The following SAXO2 variants were observed in gnomAD, a reference collection of about 807,000 sequenced individuals.
SAXO2 encodes the protein family with sequence similarity 154, member B.
Under a neutral mutation model 18.7 loss-of-function variants are expected in SAXO2, and 17 were observed. That is an observed-to-expected ratio of 0.91 (90% CI 0.62 to 1.36). The LOEUF (loss-of-function observed/expected upper bound fraction) is 1.36. Ranked by LOEUF, SAXO2 falls within the 40% of genes most tolerant of loss-of-function variation. SAXO2 has a pLI of 0.00. For synonymous variants in SAXO2, 163 were observed against 181.2 expected, an observed-to-expected ratio of 0.90 and a Z score of 0.81; for missense variants, 486 against 562.6, an observed-to-expected ratio of 0.86 and a Z score of 1.38.
chr15:82,275,199 GA>G (rs2075303638), intron 3 of SAXO2, among the ~76,000 whole-genome samples: 2 of 136,802 alleles, frequency 1.5e-5, no homozygotes, highest in South Asian at 4.8e-4. Flanking sequence ...AAATTCCCAA[GA>G]TTGAACTAGG....
At position 82,265,765 on chromosome 15, in the gene SAXO2, T is replaced by G; in HGVS notation, c.233+17T>G. ...TACATTTAAGTAAATATTTAGTAAC[T>G]ATTTGCTTTACTTATTTTTCTCTCA... On this transcript the variant is annotated intron_variant, in intron 2 of 3. Transcript: ENST00000682753. 1 of 1,503,656 alleles carries G rather than the reference T, an allele frequency of 6.7e-7. No individual in the cohort carries two copies. The highest frequency in any genetic ancestry group is 8.8e-7 in the Non-Finnish European group (1 of 1,130,598). The allele number at this position is 1,503,656 out of a possible 1,614,324, so 93.1% of individuals were successfully genotyped here.
intron 3 of SAXO2, among the ~76,000 whole-genome samples, chr15:82,276,576 C>A (rs1245024918): frequency 6.6e-6 from 1 of 152,040 alleles, no homozygotes; most frequent in Admixed American, 6.6e-5. Flanking sequence ...ACCTGATTGT[C>A]CACAAAATTG....
At chr15:82,273,264 T>C (rs903598704) in intron 3 of SAXO2, among the ~76,000 whole-genome samples, 1 of 152,152 alleles carries the variant, frequency 6.6e-6, no homozygotes, top group African/African-American at 2.4e-5. Context: ...GATATTACTT[T>C]TATATCTTTT....
chr15:82,278,196 A>G (rs1297484148), intron 3 of SAXO2, among the ~76,000 whole-genome samples: 1 of 152,230 alleles, frequency 6.6e-6, no homozygotes. Flanking sequence ...CAAACCTTGA[A>G]CATGAAGAAA....
intron 1 of SAXO2, among the ~76,000 whole-genome samples, chr15:82,264,480 C>G (rs1395203350): frequency 1.3e-5 from 2 of 151,816 alleles, no homozygotes; most frequent in Non-Finnish European, 2.9e-5. Flanking sequence ...ATAAAGACCA[C>G]CCTCATTCTC....
intron 3 of SAXO2, 195 bp downstream of exon 3, chr15:82,271,997 A>G (rs1325730518): frequency 3.8e-6 from 2 of 523,512 alleles, no homozygotes; most frequent in African/African-American, 3.9e-5. Context: ...ATTGAGTGGT[A>G]AAAGACCCAC....
At chr15:82,264,104 C>G (rs1211163916) in intron 1 of SAXO2, among the ~76,000 whole-genome samples, 2 of 134,478 alleles carry the variant, frequency 1.5e-5, no homozygotes, top group Non-Finnish European at 3.1e-5. Context: ...CAGAGTCTGG[C>G]TCTCTTGCCA....
At chr15:82,263,750 G>A (rs2075169375) in intron 1 of SAXO2, among the ~76,000 whole-genome samples, 1 of 152,076 alleles carries the variant, frequency 6.6e-6, no homozygotes, top group Non-Finnish European at 1.5e-5. Flanking sequence ...TGGTGTGCAG[G>A]AGAAAATTTT....
intron 3 of SAXO2, among the ~76,000 whole-genome samples, chr15:82,276,731 G>C (rs2075318607): frequency 6.6e-6 from 1 of 152,068 alleles, no homozygotes; most frequent in South Asian, 2.1e-4. Flanking sequence ...TCTGAAAACT[G>C]TGTATCTAGT....
chr15:82,264,815 C>T (rs573358362), intron 1 of SAXO2: 9 of 693,598 alleles, frequency 1.3e-5, no homozygotes, highest in South Asian at 1.1e-4. Context: ...TGCCGCCTAA[C>T]AACTTCTAGC....
chr15:82,275,524 C>T lies in SAXO2; in HGVS notation c.433+3722C>T, dbSNP rs114484876. On this transcript the variant is annotated intron_variant, in intron 3 of 3. Transcript: ENST00000682753. ...GTCCCTGAACACAGATGCAAAAATC[C>T]TCAAAAAATACTAGCACACTAAATC... Among the ~76,000 whole-genome samples, 745 of 152,136 alleles carry T rather than the reference C, an allele frequency of 4.9e-3. 5 individuals are homozygous for T. Among genetic ancestry groups the T allele is most frequent in the African/African-American group, 0.017 (726 of 41,508 alleles).
At chr15:82,268,628 C>A (rs1216459734) in intron 2 of SAXO2, among the ~76,000 whole-genome samples, 2 of 152,206 alleles carry the variant, frequency 1.3e-5, no homozygotes, top group Non-Finnish European at 2.9e-5. Flanking sequence ...AAGAAGCATT[C>A]TGTACCTTTG....
chr15:82,281,177 G>A (rs145590851), intron 3 of SAXO2, among the ~76,000 whole-genome samples: 1,610 of 152,192 alleles, frequency 0.011, 30 homozygotes, highest in African/African-American at 0.037. Context: ...GTATTTCCTA[G>A]CTTACTATCT....
intron 1 of SAXO2, chr15:82,264,583 AG>A: frequency 1.4e-6 from 1 of 692,212 alleles, no homozygotes; most frequent in Non-Finnish European, 2.6e-6. Flanking sequence ...CTAGGCAAAA[AG>A]GAATTTATTA....
chr15:82,277,969 G>A (rs895248579), intron 3 of SAXO2, among the ~76,000 whole-genome samples: 5 of 151,988 alleles, frequency 3.3e-5, no homozygotes, highest in African/African-American at 1.2e-4. Context: ...ACCACAGAAA[G>A]TTTCCTTCAT....
Position 82,274,411 on chromosome 15 carries a change from C to G in SAXO2, c.433+2609C>G, listed in dbSNP as rs184131820. Among the ~76,000 whole-genome samples, 296 of 152,130 alleles carry G rather than the reference C, an allele frequency of 1.9e-3. 8 individuals are homozygous for G. The South Asian group carries it at 0.058, about 30-fold the overall frequency. ...GTAGATAACCTATTTAAAAACAATT[C>G]TACAGCTGAAGAGAAGCCACAATGG... On this transcript the variant is annotated intron_variant, in intron 3 of 3. Transcript: ENST00000682753.
In SAXO2 at chr15:82,282,627, C is replaced by T; in HGVS notation, c.942C>T (p.Asp314=). 6.2e-7 allele frequency: 1 copy of T among 1,614,212 alleles called. No individual in the cohort carries two copies. Among genetic ancestry groups the T allele is most frequent in the Non-Finnish European group, 8.5e-7 (1 of 1,180,040 alleles). ...TGTTAAACAGCACAAGCCATCTTGA[C>T]TATGTTCCATATCAGGCCAACCATG... ...SMLLNSTSHL[D]YVPYQANHVV... Residue 314 remains aspartate, a synonymous_variant, in exon 4 of 4, where the codon GAC becomes GAT. Transcript: ENST00000682753.
chr15:82,268,232 T>C (rs1030226888), intron 2 of SAXO2, among the ~76,000 whole-genome samples: 1 of 152,214 alleles, frequency 6.6e-6, no homozygotes, highest in African/African-American at 2.4e-5. Flanking sequence ...TTTTACAATA[T>C]TTGTGTTTAT....
Position 82,263,201 on chromosome 15 carries a change from T to A in SAXO2, c.53+269T>A, listed in dbSNP as rs1042522146. The stretch of plus-strand genomic sequence containing the variant: ...CCACCCGGGCCAGGTAAGTAATATA[T>A]GTGAAGCCGCGACGGGATATAACGC... On this transcript the variant is annotated intron_variant, in intron 1 of 3. Transcript: ENST00000682753. 1.6e-5 allele frequency: 23 copies of A among 1,456,088 alleles called. No homozygotes were observed. In the Admixed American group the frequency reaches 2.1e-4, roughly 13 times the overall value. 90.2% of individuals were successfully genotyped at this position (1,456,088 alleles called of 1,614,324 possible). A position where few individuals can be genotyped will look rare whatever the true frequency, so the allele number is the denominator to read the frequency against.
Sources: gnomAD v4.1 joint callset for allele counts (sites outside exome capture counted in the v4.1 genomes callset) on GRCh38, gnomAD v4.1.1 for gene constraint, MANE v1.5 for transcripts, NCBI Gene and HGNC (gene_info 2026-07-23, HGNC 2026-07-21) for gene names.